Variants in HECTD4 observed in about 807,000 individuals in gnomAD.
The protein encoded by HECTD4 is probable E3 ubiquitin-protein ligase HECTD4.
HECTD4 carries 114 observed loss-of-function variants against 471.5 expected under a neutral mutation model. The observed-to-expected ratio is 0.24, with a 90% CI of 0.21 to 0.28. HECTD4 has a LOEUF of 0.28. Among genes scored for constraint, HECTD4 ranks in the 10% least tolerant of loss-of-function variants. HECTD4 has a pLI of 1.00. For synonymous variants in HECTD4, 2,012 were observed against 2,256.0 expected (o/e 0.89, Z 3.07); for missense variants, 3,866 against 5,651.5 (o/e 0.68, Z 10.13).
At chr12:112,365,169 T>A (rs1426265345) in intron 1 of HECTD4, among the ~76,000 whole-genome samples, 1 of 152,224 alleles carries the variant, frequency 6.6e-6, no homozygotes, top group African/African-American at 2.4e-5. Context: ...AATAAACAGA[T>A]AAAATTAATT....
At chr12:112,200,284 G>C (rs1284145194) in intron 55 of HECTD4, among the ~76,000 whole-genome samples, 1 of 151,940 alleles carries the variant, frequency 6.6e-6, no homozygotes, top group Non-Finnish European at 1.5e-5. Context: ...CTCCAGAATA[G>C]CTGGTATTAC....
At chr12:112,164,318 G>C (rs904354221) in intron 72 of HECTD4, 43 bp from the exon 73 acceptor site, 1 of 1,579,256 alleles carries the variant, frequency 6.3e-7, no homozygotes, top group African/African-American at 1.3e-5. Context: ...GAGGCCATGG[G>C]AGGTGGAACC....
chr12:112,328,144 A>G (rs1275573944), intron 1 of HECTD4, among the ~76,000 whole-genome samples: 3 of 150,848 alleles, frequency 2.0e-5, no homozygotes, highest in Non-Finnish European at 4.4e-5. Flanking sequence ...TTATTTATTT[A>G]TTTATTTATT....
Position 112,243,173 on chromosome 12 carries a change from A to G in HECTD4, c.4958+180T>C, listed in dbSNP as rs1294761916. 1.3e-5 allele frequency among the ~76,000 whole-genome samples: 2 copies of G among 152,208 alleles called. No individual in the cohort carries two copies. The highest frequency in any genetic ancestry group is 3.8e-4 in the East Asian group (2 of 5,196). On this transcript the variant is annotated intron_variant, in intron 32 of 75. Transcript: ENST00000682272. The surrounding 1 kb of genome is among the most constrained non-coding windows in gnomAD (Gnocchi z 6.6). The stretch of plus-strand genomic sequence containing the variant: ...ATTCAGGAGAAGAAGGTGAATACTG[A>G]GAGTTTTACGTTCTATTAATATGTT...
At chr12:112,339,487 G>C (rs1364566977) in intron 1 of HECTD4, among the ~76,000 whole-genome samples, 2 of 152,102 alleles carry the variant, frequency 1.3e-5, no homozygotes, top group Non-Finnish European at 2.9e-5. Context: ...ATGTGGAAGA[G>C]AGGGAGTGTT....
At chr12:112,320,296 T>C (rs2035558035) in intron 1 of HECTD4, among the ~76,000 whole-genome samples, 1 of 152,086 alleles carries the variant, frequency 6.6e-6, no homozygotes, top group Non-Finnish European at 1.5e-5. Flanking sequence ...GATGGTGCCC[T>C]GCACTACAGC....
chr12:112,293,736 TTGCCTCTGAGGAGGGAAAC>T (rs1261353891), intron 7 of HECTD4, among the ~76,000 whole-genome samples: 2 of 152,130 alleles, frequency 1.3e-5, no homozygotes, highest in African/African-American at 4.8e-5. Flanking sequence ...CTAACCTCAC[TTGCCTCTGAGGAGGGAAAC>T]TGGGCTAGGA....
At chr12:112,214,881 T>C (rs1026106825) in intron 48 of HECTD4, among the ~76,000 whole-genome samples, 2 of 152,024 alleles carry the variant, frequency 1.3e-5, no homozygotes, top group Non-Finnish European at 2.9e-5. Flanking sequence ...GGGCCGGGTG[T>C]GGTGGCTCAC....
At chr12:112,377,320 T>C (rs2036801328) in intron 1 of HECTD4, among the ~76,000 whole-genome samples, 1 of 152,036 alleles carries the variant, frequency 6.6e-6, no homozygotes, top group African/African-American at 2.4e-5. Context: ...TCCAATGCTC[T>C]CCATCTCTTT....
rs1233992104 is a variant in HECTD4, at chr12:112,334,343, AC to A, written c.178-14602del. On this transcript the variant is annotated intron_variant, in intron 1 of 75. Transcript: ENST00000682272. The stretch of plus-strand genomic sequence containing the variant: ...CAAACAAATTAGCAAGAAAAAAAAA[AC>A]AATCCCATCAAAAAGTGGCCTAAGG... Among the ~76,000 whole-genome samples the A allele has an allele frequency of 4.6e-4, 70 of 151,778 alleles. 1 individual carries two copies. Among genetic ancestry groups the A allele is most frequent in the Admixed American group, 2.9e-3 (44 of 15,258 alleles).
At chr12:112,170,225 A>T in intron 69 of HECTD4, 108 bp downstream of exon 69, 2 of 1,444,032 alleles carry the variant, frequency 1.4e-6, no homozygotes, top group Non-Finnish European at 1.9e-6. Context: ...GAACGACAGG[A>T]GGAACCGCTG....
intron 2 of HECTD4, among the ~76,000 whole-genome samples, chr12:112,317,498 T>G (rs552131088): frequency 6.6e-6 from 1 of 152,192 alleles, no homozygotes; most frequent in South Asian, 2.1e-4. Flanking sequence ...AGAAAGAAGA[T>G]CCCAACCAAG....
At chr12:112,273,564 G>T in intron 11 of HECTD4, 91 bp downstream of exon 11, 2 of 1,187,854 alleles carry the variant, frequency 1.7e-6, no homozygotes, top group Non-Finnish European at 2.4e-6. Flanking sequence ...CACATTCTGG[G>T]GTTGGGCTAT....
intron 37 of HECTD4, 111 bp from the exon 38 acceptor site, chr12:112,233,196 A>T: frequency 5.7e-6 from 3 of 526,618 alleles, no homozygotes; most frequent in Non-Finnish European, 1.0e-5. Context: ...CACTAACATT[A>T]GCTTACACTA....
intron 1 of HECTD4, among the ~76,000 whole-genome samples, chr12:112,338,477 T>C (rs944714547): frequency 6.6e-6 from 1 of 151,848 alleles, no homozygotes. Flanking sequence ...AAAAATTAGC[T>C]AGACATGGTG....
At chr12:112,206,578 CCA>C (rs2135538400) in intron 52 of HECTD4, among the ~76,000 whole-genome samples, 1 of 148,488 alleles carries the variant, frequency 6.7e-6, no homozygotes, top group East Asian at 2.0e-4. Context: ...GCTCTGTTGC[CCA>C]GGCTGGAGTG....
At chr12:112,308,530 G>A (rs1227542499) in intron 6 of HECTD4, among the ~76,000 whole-genome samples, 3 of 148,678 alleles carry the variant, frequency 2.0e-5, no homozygotes, top group Non-Finnish European at 4.4e-5. Flanking sequence ...ATAAAAAAAA[G>A]TTTGTTGTAG....
chr12:112,264,813 G>A (rs2034230637), intron 16 of HECTD4, among the ~76,000 whole-genome samples: 1 of 152,226 alleles, frequency 6.6e-6, no homozygotes, highest in African/African-American at 2.4e-5. Context: ...CACCCAGGCT[G>A]GAGTGCGGTG....
intron 54 of HECTD4, chr12:112,201,044 G>GT (rs1427503726): frequency 2.8e-5 from 16 of 566,594 alleles, no homozygotes; most frequent in African/African-American, 2.6e-4. Context: ...AACTTGCTAT[G>GT]TGCTTTTCTA....
Sources: gnomAD v4.1 joint callset for allele counts (sites outside exome capture counted in the v4.1 genomes callset) on GRCh38, gnomAD v4.1.1 for gene constraint, Gnocchi (gnomAD v3.1) non-coding constraint, MANE v1.5 for transcripts, NCBI Gene and HGNC (gene_info 2026-07-23, HGNC 2026-07-21) for gene names.